Variants in RERG observed in about 807,000 individuals in gnomAD.
RERG encodes RAS like estrogen regulated growth inhibitor.
Under a neutral mutation model 23.2 loss-of-function variants are expected in RERG, and 25 were observed. That is an observed-to-expected ratio of 1.08 (90% CI 0.79 to 1.50). The LOEUF (loss-of-function observed/expected upper bound fraction) is 1.50, where lower values mean the gene tolerates loss of function less well. RERG is among the 40% of genes most tolerant of loss of function. RERG has a pLI of 0.00. For missense variants in RERG, 253 were observed against 250.1 expected, an observed-to-expected ratio of 1.01 and a Z score of -0.08; for synonymous variants, 81 against 89.1, an observed-to-expected ratio of 0.91 and a Z score of 0.51.
chr12:15,175,253 G>A (rs182385834), intron 2 of RERG, among the ~76,000 whole-genome samples: 241 of 149,286 alleles, frequency 1.6e-3, no homozygotes, highest in African/African-American at 5.8e-3. Context: ...GTTCAGTTAC[G>A]TTGTTAATCA....
Position 15,111,455 on chromosome 12 carries a change from A to G in RERG, c.119-38T>C, listed in dbSNP as rs1368287481. 5 of 1,484,404 alleles carry G rather than the reference A, an allele frequency of 3.4e-6. No individual in the cohort carries two copies. The South Asian group carries it at 4.7e-5, about 14-fold the overall frequency. The allele number at this position is 1,484,404 out of a possible 1,614,324, so 92.0% of individuals were successfully genotyped here. On this transcript the variant is annotated intron_variant, in intron 3 of 4. Coordinates refer to ENST00000256953, the MANE Select transcript of RERG (RefSeq NM_032918.3). ...GCAAATAAAAAAGACAAAAAGATAA[A>G]TAAATGCAAGATTTAATTTGATCCT...
intron 2 of RERG, among the ~76,000 whole-genome samples, chr12:15,166,771 G>C (rs1864699579): frequency 1.3e-5 from 2 of 151,138 alleles, no homozygotes; most frequent in African/African-American, 4.9e-5. Flanking sequence ...GGATGGACTA[G>C]ATCACTTTTT....
chr12:15,133,895 A>G (rs1197950031), intron 2 of RERG, among the ~76,000 whole-genome samples: 1 of 152,048 alleles, frequency 6.6e-6, no homozygotes, highest in East Asian at 1.9e-4. Context: ...TGACATCTGT[A>G]TATCTTTTAT....
chr12:15,145,436 C>A (rs979532290), intron 2 of RERG, among the ~76,000 whole-genome samples: 1 of 152,198 alleles, frequency 6.6e-6, no homozygotes, highest in Non-Finnish European at 1.5e-5. Context: ...TAAGGAGGAA[C>A]AATAAGGACC....
intron 2 of RERG, among the ~76,000 whole-genome samples, chr12:15,153,945 G>C (rs954197046): frequency 6.6e-6 from 1 of 152,118 alleles, no homozygotes; most frequent in African/African-American, 2.4e-5. Context: ...TGGACACAGA[G>C]ACAGACACAC....
chr12:15,215,421 CAA>C (rs1428059628), intron 2 of RERG, among the ~76,000 whole-genome samples: 1 of 152,030 alleles, frequency 6.6e-6, no homozygotes, highest in Non-Finnish European at 1.5e-5. Context: ...GCAGCAAAGC[CAA>C]AGAGTGTGAT....
intron 2 of RERG, among the ~76,000 whole-genome samples, chr12:15,198,239 A>G (rs926508788): frequency 6.6e-6 from 1 of 151,900 alleles, no homozygotes; most frequent in Non-Finnish European, 1.5e-5. Context: ...CTCTCAATGC[A>G]CCCCTTTCTT....
At chr12:15,161,224 A>AAGAAAGAAAGAG (rs1262615056) in intron 2 of RERG, among the ~76,000 whole-genome samples, 1 of 123,124 alleles carries the variant, frequency 8.1e-6, no homozygotes, top group South Asian at 2.6e-4. Context: ...GAAAGAAAGA[A>AAGAAAGAAAGAG]AGAAACAGGG....
intron 2 of RERG, among the ~76,000 whole-genome samples, chr12:15,185,710 T>A (rs1037147057): frequency 6.6e-6 from 1 of 151,924 alleles, no homozygotes; most frequent in African/African-American, 2.4e-5. Flanking sequence ...AGGGTGAGGG[T>A]GAGGGTCAAA....
intron 3 of RERG, among the ~76,000 whole-genome samples, chr12:15,116,153 C>T (rs1863717342): frequency 6.6e-6 from 1 of 152,128 alleles, no homozygotes; most frequent in African/African-American, 2.4e-5. Flanking sequence ...AAGTGTTCTC[C>T]CAACGATTTT....
chr12:15,206,302 C>T (rs1865289008), intron 2 of RERG, among the ~76,000 whole-genome samples: 1 of 152,034 alleles, frequency 6.6e-6, no homozygotes, highest in African/African-American at 2.4e-5. Flanking sequence ...TTTTTTTACT[C>T]ACTTTGTCTC....
chr12:15,203,528 C>T (rs1403779554), intron 2 of RERG, among the ~76,000 whole-genome samples: 2 of 151,576 alleles, frequency 1.3e-5, no homozygotes, highest in African/African-American at 4.8e-5. Context: ...GATGACCATG[C>T]TTATGACTTC....
At chr12:15,194,488 G>A (rs1865115625) in intron 2 of RERG, among the ~76,000 whole-genome samples, 1 of 131,284 alleles carries the variant, frequency 7.6e-6, no homozygotes, top group African/African-American at 2.9e-5. Flanking sequence ...CAAAGAAGAG[G>A]AAGAAGGAGC....
At chr12:15,221,022 C>T (rs906420029) in intron 1 of RERG, among the ~76,000 whole-genome samples, 173 bp downstream of exon 1, 2 of 152,180 alleles carry the variant, frequency 1.3e-5, no homozygotes, top group African/African-American at 4.8e-5. Flanking sequence ...AGAGCCCTGT[C>T]AAGATAGGCT....
chr12:15,184,497 G>C (rs1174942435), intron 2 of RERG, among the ~76,000 whole-genome samples: 1 of 152,152 alleles, frequency 6.6e-6, no homozygotes, highest in Admixed American at 6.5e-5. Flanking sequence ...CAGAATGTCT[G>C]AAATTTCTAA....
At chr12:15,213,980 G>C (rs924085059) in intron 2 of RERG, among the ~76,000 whole-genome samples, 1 of 147,710 alleles carries the variant, frequency 6.8e-6, no homozygotes, top group Non-Finnish European at 1.5e-5. Context: ...TCAAGAAAGA[G>C]AAAAACAGAG....
intron 2 of RERG, among the ~76,000 whole-genome samples, chr12:15,186,944 G>A (rs535108897): frequency 2.6e-5 from 4 of 152,076 alleles, no homozygotes; most frequent in Non-Finnish European, 5.9e-5. Context: ...GAGAACTTGG[G>A]TGCTTGGCTT....
rs1013280985 is a variant in RERG at position 15,193,110 on chromosome 12, T to C, written c.61+24319A>G. Among the ~76,000 whole-genome samples the C allele has an allele frequency of 1.2e-4, 18 of 152,158 alleles. No individual in the cohort carries two copies. In the South Asian group the frequency reaches 1.9e-3, roughly 16 times the overall value. ...CTTAAATTTCTACCCACTAAATCTA[T>C]TGATGGCTGCTTTTAGTGATTATTC... On this transcript the variant is annotated intron_variant, in intron 2 of 4. Transcript: ENST00000256953.
At chr12:15,209,174 AG>A (rs1244900136) in intron 2 of RERG, among the ~76,000 whole-genome samples, 2 of 152,214 alleles carry the variant, frequency 1.3e-5, no homozygotes, top group East Asian at 3.8e-4. Flanking sequence ...ACAAATGTTA[AG>A]GAACATAAGG....
Sources: gnomAD v4.1 joint callset for allele counts (sites outside exome capture counted in the v4.1 genomes callset) on GRCh38, gnomAD v4.1.1 for gene constraint, MANE v1.5 for transcripts, NCBI Gene and HGNC (gene_info 2026-07-23, HGNC 2026-07-21) for gene names.